The following PTCHD4 variants were observed in gnomAD, a reference collection of about 807,000 sequenced individuals.
PTCHD4 encodes the protein patched domain-containing protein 4.
A neutral mutation model predicts 58.1 loss-of-function variants in PTCHD4; 33 were observed. That is an observed-to-expected ratio of 0.57 (90% CI 0.43 to 0.76). PTCHD4 has a LOEUF of 0.76. Ranked by LOEUF, PTCHD4 falls within the 30% of genes least tolerant of loss-of-function variation. PTCHD4 has a pLI of 0.00. For synonymous variants in PTCHD4, 478 were observed against 409.6 expected, an observed-to-expected ratio of 1.17 and a Z score of -2.02; for missense variants, 1,058 against 1,027.1, an observed-to-expected ratio of 1.03 and a Z score of -0.41.
intron 4 of PTCHD4, among the ~76,000 whole-genome samples, chr6:47,920,247 G>T (rs1375547765): frequency 6.6e-6 from 1 of 152,068 alleles, no homozygotes; most frequent in East Asian, 1.9e-4. Context: ...TTGAAAGTGG[G>T]TCAAATAGAA....
At chr6:47,915,955 C>G (rs551553044) in intron 4 of PTCHD4, among the ~76,000 whole-genome samples, 1 of 152,054 alleles carries the variant, frequency 6.6e-6, no homozygotes, top group South Asian at 2.1e-4. Context: ...GAAAGATTTC[C>G]GAGCTGCAGA....
At chr6:47,925,181 A>ATGTG (rs144217387) in intron 4 of PTCHD4, among the ~76,000 whole-genome samples, 2,266 of 146,898 alleles carry the variant, frequency 0.015, 33 homozygotes, top group African/African-American at 0.045. Context: ...TATTATATAT[A>ATGTG]TGTGTGTGTG....
At chr6:47,894,777 A>C (rs1420834500) in intron 4 of PTCHD4, among the ~76,000 whole-genome samples, 1 of 152,238 alleles carries the variant, frequency 6.6e-6, no homozygotes, top group Non-Finnish European at 1.5e-5. Flanking sequence ...CTTTCTTTCC[A>C]TCTTGATAAT....
intron 4 of PTCHD4, among the ~76,000 whole-genome samples, chr6:47,945,883 A>G (rs1581916307): frequency 6.6e-6 from 1 of 151,896 alleles, no homozygotes; most frequent in South Asian, 2.1e-4. Context: ...AGTTAATGTA[A>G]ATATTACCAA....
At chr6:47,913,055 A>C (rs1342559633) in intron 4 of PTCHD4, among the ~76,000 whole-genome samples, 1 of 152,038 alleles carries the variant, frequency 6.6e-6, no homozygotes, top group African/African-American at 2.4e-5. Flanking sequence ...CCAATTTTAC[A>C]GTTTGTATTT....
chr6:47,994,884 A>G (rs1228365861), intron 4 of PTCHD4, among the ~76,000 whole-genome samples: 4 of 152,180 alleles, frequency 2.6e-5, no homozygotes, highest in Non-Finnish European at 5.9e-5. Flanking sequence ...TTTTTCAGGA[A>G]AAGGTTAAGA....
chr6:47,877,541 A>T lies in PTCHD4; in HGVS notation c.*762T>A, dbSNP rs1763880027. 6.6e-6 allele frequency among the ~76,000 whole-genome samples: 1 copy of T among 152,102 alleles called. No homozygotes were observed. The highest frequency in any genetic ancestry group is 1.5e-5 in the Non-Finnish European group (1 of 67,980). ...AAAGCAAAAGTCTAGATGACTGCTG[A>T]CATGATATGCATAATCTAATGAACT... On this transcript the variant is annotated 3_prime_UTR_variant, in exon 5 of 5. Transcript: ENST00000339488.
At position 47,860,433 on chromosome 6, in the gene PTCHD4, G is replaced by A. The variant is rs114065643; in HGVS notation, c.*17870C>T. 0.013 allele frequency among the ~76,000 whole-genome samples: 2,052 copies of A among 152,096 alleles called. 22 individuals are homozygous for A. The highest frequency in any genetic ancestry group is 0.026 in the South Asian group (124 of 4,826). ...AACAAAAACATTAAGGTAGAACTCA[G>A]TGGATAAGACACATGATCTGATTTT... is the stretch of plus-strand genomic sequence containing the variant. On this transcript the variant is annotated 3_prime_UTR_variant, in exon 5 of 5. Coordinates refer to ENST00000339488, the MANE Select transcript of PTCHD4 (RefSeq NM_001384253.1).
intron 4 of PTCHD4, among the ~76,000 whole-genome samples, chr6:47,985,251 C>A (rs1214311850): frequency 6.6e-6 from 1 of 151,604 alleles, no homozygotes; most frequent in Non-Finnish European, 1.5e-5. Context: ...ATTCTCTATG[C>A]CTTAAATAAA....
intron 3 of PTCHD4, among the ~76,000 whole-genome samples, chr6:48,018,361 T>C (rs992736479): frequency 1.3e-5 from 2 of 152,132 alleles, no homozygotes; most frequent in Non-Finnish European, 2.9e-5. Flanking sequence ...GGTAAAGTCA[T>C]TAGACACTAC....
intron 4 of PTCHD4, among the ~76,000 whole-genome samples, chr6:47,931,600 G>A (rs1327606952): frequency 6.6e-6 from 1 of 152,184 alleles, no homozygotes; most frequent in Non-Finnish European, 1.5e-5. Flanking sequence ...TTTACTTGCT[G>A]TAAAAATGCT....
chr6:47,861,314 A>T lies in PTCHD4; in HGVS notation c.*16989T>A, dbSNP rs114478407. Among the ~76,000 whole-genome samples the T allele has an allele frequency of 3.9e-3, 581 of 149,718 alleles. 3 individuals are homozygous for T. The highest frequency in any genetic ancestry group is 0.013 in the African/African-American group (538 of 40,920). On this transcript the variant is annotated 3_prime_UTR_variant, in exon 5 of 5. Transcript: ENST00000339488. ...ATGTTCTTTCATAAAACTATTTTTT[A>T]AAAAAATTTTATTTGTGTCTCAATT...
At chr6:47,990,730 C>T (rs371807571) in intron 4 of PTCHD4, among the ~76,000 whole-genome samples, 11 of 152,032 alleles carry the variant, frequency 7.2e-5, no homozygotes, top group Non-Finnish European at 1.5e-4. Flanking sequence ...TGGACTAATA[C>T]GTGTGCTTAC....
At chr6:47,981,509 C>A (rs1485379160) in intron 4 of PTCHD4, among the ~76,000 whole-genome samples, 2 of 152,024 alleles carry the variant, frequency 1.3e-5, no homozygotes, top group Non-Finnish European at 2.9e-5. Context: ...TTTTATGGAA[C>A]ATGCATTGAG....
chr6:48,044,427 C>G (rs978847445), intron 3 of PTCHD4, among the ~76,000 whole-genome samples: 1 of 151,820 alleles, frequency 6.6e-6, no homozygotes, highest in East Asian at 1.9e-4. Flanking sequence ...ATTTTGAAGA[C>G]AGAAAGAAAA....
chr6:48,052,338 A>G (rs1764263564), intron 3 of PTCHD4, among the ~76,000 whole-genome samples: 2 of 151,932 alleles, frequency 1.3e-5, no homozygotes, highest in African/African-American at 4.8e-5. Flanking sequence ...GTCACAGGTA[A>G]AGAACAGTTT....
rs75965782 is a variant in PTCHD4 at position 48,017,530 on chromosome 6, A to C, written c.418-8416T>G. ...GAATATAAAATAAGTTTAAAAGAGA[A>C]CTCCAACATATCAATTAACTGGGAC... On this transcript the variant is annotated intron_variant, in intron 3 of 4. Transcript: ENST00000339488. 1.3e-3 allele frequency among the ~76,000 whole-genome samples: 194 copies of C among 152,348 alleles called. 1 individual carries two copies. The highest frequency in any genetic ancestry group is 4.6e-3 in the African/African-American group (190 of 41,586).
At chr6:48,008,372 G>A (rs1762540446) in intron 4 of PTCHD4, among the ~76,000 whole-genome samples, 1 of 152,076 alleles carries the variant, frequency 6.6e-6, no homozygotes, top group Non-Finnish European at 1.5e-5. Context: ...TATTTTTGAG[G>A]GATCTGAGTA....
At chr6:47,934,176 C>T (rs1376733906) in intron 4 of PTCHD4, among the ~76,000 whole-genome samples, 1 of 152,242 alleles carries the variant, frequency 6.6e-6, no homozygotes, top group African/African-American at 2.4e-5. Flanking sequence ...AGGAAGTTTG[C>T]GGCAGGGAGG....
Sources: gnomAD v4.1 joint callset for allele counts (sites outside exome capture counted in the v4.1 genomes callset) on GRCh38, gnomAD v4.1.1 for gene constraint, MANE v1.5 for transcripts, NCBI Gene and HGNC (gene_info 2026-07-23, HGNC 2026-07-21) for gene names.